Variants in MIPOL1 observed in about 807,000 individuals in gnomAD.
The protein encoded by MIPOL1 is mirror-image polydactyly gene 1 protein.
In MIPOL1, 57 loss-of-function variants were observed where a neutral mutation model predicts 60.9. The observed-to-expected ratio is 0.94, with a 90% CI of 0.76 to 1.17. The LOEUF (loss-of-function observed/expected upper bound fraction) is 1.17. Among genes scored for constraint, MIPOL1 ranks in the 50% most tolerant of loss-of-function variants. The probability of loss-of-function intolerance (pLI) is 0.00; values close to 1 mark genes in which losing one functional copy is unlikely to be tolerated. For missense variants in MIPOL1, 551 were observed against 511.6 expected (o/e 1.08, Z -0.74); for synonymous variants, 179 against 168.8 (o/e 1.06, Z -0.47).
At chr14:37,482,375 C>A (rs1395544867) in intron 11 of MIPOL1, among the ~76,000 whole-genome samples, 1 of 152,152 alleles carries the variant, frequency 6.6e-6, no homozygotes, top group East Asian at 1.9e-4. Context: ...AATAAGATAT[C>A]TTACACCAGT....
At chr14:37,251,586 T>G (rs1485209371) in intron 3 of MIPOL1, among the ~76,000 whole-genome samples, 1 of 151,686 alleles carries the variant, frequency 6.6e-6, no homozygotes, top group African/African-American at 2.4e-5. Flanking sequence ...AATGTCATAA[T>G]CAAAGGAGTT....
In MIPOL1 at chr14:37,400,432, C is replaced by T. The variant is rs1595599361; in HGVS notation, c.937-22423C>T. 5 of 152,124 alleles carry T rather than the reference C, an allele frequency of 3.3e-5. No individual in the cohort carries two copies. In the East Asian group the frequency reaches 9.7e-4, roughly 29 times the overall value. The allele number at this position is 152,124 out of a possible 1,614,324, so 9.4% of individuals were successfully genotyped here. ...ACAAGTGAGTTAAGTTTAGAAAGTGCCTTACTTAAAGCATAAGTAAGATAT... is the reference window on the plus strand; with the variant it reads ...ACAAGTGAGTTAAGTTTAGAAAGTGTCTTACTTAAAGCATAAGTAAGATAT... On this transcript the variant is annotated intron_variant, in intron 10 of 12. Coordinates refer to ENST00000684589, the MANE Select transcript of MIPOL1 (RefSeq NM_001388067.1).
intron 10 of MIPOL1, among the ~76,000 whole-genome samples, chr14:37,384,361 A>T (rs2093009089): frequency 1.7e-5 from 2 of 115,580 alleles, no homozygotes; most frequent in South Asian, 2.7e-4. Flanking sequence ...ATAGAAAATG[A>T]TAAAATATCT....
At chr14:37,426,594 T>TATATAC (rs1447990257) in intron 11 of MIPOL1, among the ~76,000 whole-genome samples, 276 of 125,400 alleles carry the variant, frequency 2.2e-3, no homozygotes, top group African/African-American at 7.8e-3. Context: ...TATATATATA[T>TATATAC]ACACACACAC....
chr14:37,496,763 G>A (rs1451996053), intron 11 of MIPOL1, among the ~76,000 whole-genome samples: 1 of 152,060 alleles, frequency 6.6e-6, no homozygotes, highest in Admixed American at 6.5e-5. Context: ...TCCCCATCAA[G>A]CTACCAATGA....
chr14:37,444,378 G>T (rs556669286), intron 11 of MIPOL1, among the ~76,000 whole-genome samples: 1 of 152,206 alleles, frequency 6.6e-6, no homozygotes, highest in South Asian at 2.1e-4. Context: ...AATTATGGAA[G>T]ACCCATGTAA....
Position 37,542,000 on chromosome 14 carries a change from TC to T in MIPOL1, c.1263-4904del, listed in dbSNP as rs202247389. On this transcript the variant is annotated intron_variant, in intron 12 of 12. Coordinates refer to ENST00000684589, the MANE Select transcript of MIPOL1 (RefSeq NM_001388067.1). ...CCATACGTCCCCTTGTAACTACAGTTCTCTTTACATCCTAACCAAGCTCTTA... is the reference window on the plus strand; with the variant it reads ...CCATACGTCCCCTTGTAACTACAGTTTCTTTACATCCTAACCAAGCTCTTA... Among the ~76,000 whole-genome samples, 903 of 152,326 alleles carry T rather than the reference TC, an allele frequency of 5.9e-3. 9 individuals are homozygous for T. The highest frequency in any genetic ancestry group is 9.4e-3 in the Non-Finnish European group (640 of 68,030).
rs745631533 is a variant in MIPOL1 at position 37,309,688 on chromosome 14, A to AT, written c.828+1186dup. On this transcript the variant is annotated intron_variant, in intron 9 of 12. Transcript: ENST00000684589. ...TTCATGCTAGAACTCTGACTCCAGC[A>AT]TTTTTTTTTTTTTTTTTAGACAGAG... Among the ~76,000 whole-genome samples, 770 of 132,796 alleles carry AT rather than the reference A, an allele frequency of 5.8e-3. 5 individuals are homozygous for AT. The highest frequency in any genetic ancestry group is 0.012 in the African/African-American group (416 of 36,060). 87.1% of individuals were successfully genotyped at this position (132,796 alleles called of 152,430 possible).
At chr14:37,410,274 G>A (rs768928956) in intron 10 of MIPOL1, among the ~76,000 whole-genome samples, 2 of 152,064 alleles carry the variant, frequency 1.3e-5, no homozygotes, top group Non-Finnish European at 2.9e-5. Context: ...GAGTTAATGG[G>A]TGCAGCATAC....
At chr14:37,232,155 G>A (rs902386426) in intron 1 of MIPOL1, among the ~76,000 whole-genome samples, 2 of 152,106 alleles carry the variant, frequency 1.3e-5, no homozygotes, top group African/African-American at 4.8e-5. Flanking sequence ...GACTTCTGCA[G>A]TGTACCTAAT....
intron 9 of MIPOL1, among the ~76,000 whole-genome samples, chr14:37,322,205 T>C (rs540229786): frequency 2.0e-4 from 30 of 152,140 alleles, no homozygotes; most frequent in African/African-American, 7.2e-4. Context: ...TTAAAAGTTA[T>C]GCACATTGAA....
intron 10 of MIPOL1, among the ~76,000 whole-genome samples, chr14:37,372,166 TTGAATTACAC>T (rs1275795457): frequency 6.6e-6 from 1 of 152,034 alleles, no homozygotes; most frequent in Admixed American, 6.6e-5. Context: ...GTTTATTTTA[TTGAATTACAC>T]TGAAATTCCT....
chr14:37,258,371 C>A (rs1031231185), intron 3 of MIPOL1, among the ~76,000 whole-genome samples: 2 of 151,944 alleles, frequency 1.3e-5, no homozygotes, highest in Non-Finnish European at 2.9e-5. Flanking sequence ...GTAGAAATTT[C>A]CAGGACTTTT....
At chr14:37,236,897 T>C (rs1301858990) in intron 1 of MIPOL1, among the ~76,000 whole-genome samples, 1 of 152,154 alleles carries the variant, frequency 6.6e-6, no homozygotes, top group African/African-American at 2.4e-5. Flanking sequence ...CTTTAGCCCT[T>C]AGTTAGGCTT....
chr14:37,301,203 T>A lies in MIPOL1; in HGVS notation c.624-6853T>A, dbSNP rs1273744509. Among the ~76,000 whole-genome samples, 10 of 15,442 alleles carry A rather than the reference T, an allele frequency of 6.5e-4. 5 individuals carry two copies. In the Admixed American group the frequency reaches 8.6e-3, roughly 13 times the overall value. The allele number at this position is 15,442 out of a possible 152,430, so 10.1% of individuals were successfully genotyped here. A position where few individuals can be genotyped will look rare whatever the true frequency, so the allele number is the denominator to read the frequency against. On this transcript the variant is annotated intron_variant, in intron 7 of 12. Coordinates refer to ENST00000684589, the MANE Select transcript of MIPOL1 (RefSeq NM_001388067.1). ...ATGTATACATACACATATCTCTTAT[T>A]TATGCATCTATCCGTTTGTATCTAT...
At chr14:37,305,275 A>C (rs2086685690) in intron 7 of MIPOL1, among the ~76,000 whole-genome samples, 1 of 151,858 alleles carries the variant, frequency 6.6e-6, no homozygotes, top group East Asian at 1.9e-4. Flanking sequence ...AAATTATGGC[A>C]AATATTCCAA....
At chr14:37,501,933 C>G (rs1406347208) in intron 12 of MIPOL1, 3 of 152,328 alleles carry the variant, frequency 2.0e-5, no homozygotes, top group Admixed American at 1.3e-4. Context: ...AACCTGCAGA[C>G]CAGGAGATTC....
intron 10 of MIPOL1, among the ~76,000 whole-genome samples, chr14:37,416,384 G>A (rs1434178729): frequency 6.6e-6 from 1 of 152,008 alleles, no homozygotes; most frequent in African/African-American, 2.4e-5. Flanking sequence ...TTTCATCATT[G>A]TATGGGCATA....
chr14:37,254,628 T>C (rs1371478285), intron 3 of MIPOL1, among the ~76,000 whole-genome samples: 1 of 151,776 alleles, frequency 6.6e-6, no homozygotes, highest in Non-Finnish European at 1.5e-5. Flanking sequence ...AATCCATAAA[T>C]TCTTAGTAGG....
Sources: allele counts gnomAD v4.1 joint callset (sites outside exome capture counted in the v4.1 genomes callset), GRCh38; gene constraint gnomAD v4.1.1; transcripts MANE v1.5; gene names NCBI Gene and HGNC (gene_info 2026-07-23, HGNC 2026-07-21).